Variants in CPSF7 observed in about 807,000 individuals in gnomAD.
The protein encoded by CPSF7 is cleavage and polyadenylation specific factor 7.
CPSF7 carries 1 observed loss-of-function variant against 44.3 expected under a neutral mutation model. The ratio of observed to expected loss-of-function variants is 0.02; its 90% CI spans 0.01 to 0.11. CPSF7 has a LOEUF of 0.11. Ranked by LOEUF, CPSF7 falls within the 10% of genes least tolerant of loss-of-function variation. The pLI is 1.00. For missense variants in CPSF7, 443 were observed against 607.2 expected (o/e 0.73, Z 2.84); for synonymous variants, 202 against 222.0 (o/e 0.91, Z 0.80).
chr11:61,421,434 G>A lies in CPSF7; in HGVS notation c.229C>T (p.Leu77=). ...TAAACGGCAGCTCGTCTATTACGCA[G>A]GCCACTGTAGGTATACAGAATTGCA... is the stretch of plus-strand genomic sequence containing the variant. ...TPAILYTYSG[L]RNRRAAVYVG... The change falls in exon 3 of 10, where the codon CTG becomes TTG. Residue 77 remains leucine (L), a synonymous_variant. Coordinates refer to ENST00000439958, the MANE Select transcript of CPSF7 (RefSeq NM_001142565.3). The A allele has an allele frequency of 1.2e-6, 2 of 1,614,174 alleles. No individual in the cohort carries two copies. Among genetic ancestry groups the A allele is most frequent in the Non-Finnish European group, 1.7e-6 (2 of 1,180,036 alleles).
At chr11:61,405,205 C>T (rs1337863717) in intron 9 of CPSF7, among the ~76,000 whole-genome samples, 1 of 152,174 alleles carries the variant, frequency 6.6e-6, no homozygotes, top group East Asian at 1.9e-4. Flanking sequence ...AATCCCCAAA[C>T]ACCCAAGAGG....
At chr11:61,428,909 T>C in intron 2 of CPSF7, 1 of 255,886 alleles carries the variant, frequency 3.9e-6, no homozygotes, top group East Asian at 7.8e-5. Context: ...TTTGGCTTCC[T>C]GGGGAGTAAA....
intron 9 of CPSF7, among the ~76,000 whole-genome samples, chr11:61,406,323 T>A (rs1354460662): frequency 2.6e-5 from 4 of 152,156 alleles, no homozygotes; most frequent in Non-Finnish European, 2.9e-5. Flanking sequence ...AAAATGTACC[T>A]TTCACTCTCA....
Position 61,403,197 on chromosome 11 carries a change from G to A in CPSF7, c.*1513C>T, listed in dbSNP as rs1413637045. 2 of 152,388 alleles carry A rather than the reference G, an allele frequency of 1.3e-5. No individual in the cohort carries two copies. The highest frequency in any genetic ancestry group is 3.9e-4 in the East Asian group (2 of 5,194). The allele number at this position is 152,388 out of a possible 1,614,324, so 9.4% of individuals were successfully genotyped here. On this transcript the variant is annotated 3_prime_UTR_variant, in exon 10 of 10. Coordinates refer to ENST00000439958, the MANE Select transcript of CPSF7 (RefSeq NM_001142565.3). ...GAGGGCTATATGAGAAACGTGCTGG[G>A]AACAGAGGACGGGTTTAGTCCAATT... is the stretch of plus-strand genomic sequence containing the variant.
chr11:61,408,899 G>A (rs1859582891), intron 9 of CPSF7, among the ~76,000 whole-genome samples: 1 of 152,190 alleles, frequency 6.6e-6, no homozygotes. Context: ...ATTACAGCCA[G>A]TCGCAGTGGC....
At position 61,411,859 on chromosome 11, in the gene CPSF7, C is replaced by T. The variant is rs749036143; in HGVS notation, c.1136G>A (p.Arg379His). The change falls in exon 8 of 10, where the codon CGT (arginine) becomes CAT (histidine). Residue 379 changes from arginine to histidine, a missense_variant. Transcript: ENST00000439958. ...AAGAGAGGAGATGAGGACACGGCAA[C>T]GCTCATCATTGGCAACCCGGGACTG... Reference protein sequence around the residue: ...IKQSRVANDERCRVLISSLKD... With the variant: ...IKQSRVANDEHCRVLISSLKD... 9 of 1,613,794 alleles carry T rather than the reference C, an allele frequency of 5.6e-6. No individual in the cohort carries two copies. The highest frequency in any genetic ancestry group is 2.2e-5 in the East Asian group (1 of 44,898).
Position 61,421,376 on chromosome 11 carries a change from T to C in CPSF7, c.273+14A>G, listed in dbSNP as rs762839411. 6.8e-6 allele frequency: 11 copies of C among 1,611,346 alleles called. No homozygotes were observed. Among genetic ancestry groups the C allele is most frequent in the Non-Finnish European group, 8.5e-6 (10 of 1,177,814 alleles). ...CCAGCCCACCCCTAAGCATTTTTGG[T>C]TACCCACACTCACCCAGGAGAAGCT... On this transcript the variant is annotated intron_variant, in intron 3 of 9. Coordinates refer to ENST00000439958, the MANE Select transcript of CPSF7 (RefSeq NM_001142565.3).
chr11:61,412,635 GA>G (rs1263601410), intron 7 of CPSF7, among the ~76,000 whole-genome samples: 1 of 152,188 alleles, frequency 6.6e-6, no homozygotes, highest in Non-Finnish European at 1.5e-5. Flanking sequence ...CTATATAAAG[GA>G]ACATTGGTTC....
chr11:61,428,128 T>C (rs1010683003), intron 2 of CPSF7, among the ~76,000 whole-genome samples: 1 of 152,230 alleles, frequency 6.6e-6, no homozygotes, highest in South Asian at 2.1e-4. Flanking sequence ...TTCTTGAGAA[T>C]TGACCTCAAG....
intron 9 of CPSF7, among the ~76,000 whole-genome samples, chr11:61,409,649 T>A (rs1269476811): frequency 7.2e-6 from 1 of 138,244 alleles, no homozygotes; most frequent in Non-Finnish European, 1.5e-5. Flanking sequence ...ATTTTCAAAA[T>A]CTTTTAAATA....
At chr11:61,408,365 C>T (rs1859524738) in intron 9 of CPSF7, among the ~76,000 whole-genome samples, 1 of 152,284 alleles carries the variant, frequency 6.6e-6, no homozygotes, top group South Asian at 2.1e-4. Flanking sequence ...CCTTGGCCTC[C>T]CAAAGTGCTG....
chr11:61,420,768 C>T (rs919162440), intron 3 of CPSF7, 195 bp from the exon 4 acceptor site: 33 of 603,060 alleles, frequency 5.5e-5, no homozygotes, highest in Middle Eastern at 4.5e-4. Flanking sequence ...CCCCCAATCT[C>T]CATCTTTAGA....
chr11:61,422,489 A>T (rs1554980708), intron 2 of CPSF7, among the ~76,000 whole-genome samples: 18 of 151,638 alleles, frequency 1.2e-4, no homozygotes, highest in Non-Finnish European at 2.9e-5. Flanking sequence ...TAATTTTCAA[A>T]TTTTTTTTGT....
At chr11:61,427,222 A>G (rs546791033) in intron 2 of CPSF7, 9 of 151,738 alleles carry the variant, frequency 5.9e-5, no homozygotes, top group African/African-American at 1.9e-4. Context: ...CAACACAGCA[A>G]GACTGTGTGT....
At chr11:61,423,486 T>C (rs1207542709) in intron 2 of CPSF7, among the ~76,000 whole-genome samples, 2 of 152,166 alleles carry the variant, frequency 1.3e-5, no homozygotes, top group African/African-American at 2.4e-5. Flanking sequence ...GAAATCTTTT[T>C]AAGGATTAGA....
At chr11:61,420,133 A>T in intron 4 of CPSF7, 39 bp from the exon 5 acceptor site, 1 of 1,520,462 alleles carries the variant, frequency 6.6e-7, no homozygotes, top group Non-Finnish European at 9.0e-7. Context: ...AAATCTGTAG[A>T]CAGCCAAGAG....
intron 9 of CPSF7, among the ~76,000 whole-genome samples, chr11:61,408,320 G>C (rs1253665458): frequency 6.6e-6 from 1 of 152,046 alleles, no homozygotes; most frequent in Non-Finnish European, 1.5e-5. Context: ...TGTTAGCCAG[G>C]ACGGTCTCAA....
chr11:61,429,692 T>C, intron 1 of CPSF7: 2 of 1,505,784 alleles, frequency 1.3e-6, no homozygotes, highest in South Asian at 2.4e-5. Flanking sequence ...TCCAGCCGCC[T>C]CTGCCCCCAA....
At chr11:61,419,825 C>T in intron 5 of CPSF7, 124 bp downstream of exon 5, 1 of 1,206,906 alleles carries the variant, frequency 8.3e-7, no homozygotes, top group Non-Finnish European at 1.2e-6. Context: ...CAACCACCAT[C>T]ACCCTCCCCC....
Sources: gnomAD v4.1 joint callset for allele counts (sites outside exome capture counted in the v4.1 genomes callset) on GRCh38, gnomAD v4.1.1 for gene constraint, MANE v1.5 for transcripts, NCBI Gene and HGNC (gene_info 2026-07-23, HGNC 2026-07-21) for gene names.